The following INSL6 variants were observed in gnomAD, a reference collection of about 807,000 sequenced individuals.
INSL6 encodes the protein insulin-like peptide INSL6.
In INSL6, 16 loss-of-function variants were observed where a neutral mutation model predicts 9.4. The observed-to-expected ratio is 1.70, with a 90% CI of 1.15 to 2.59. The LOEUF is 2.59. Ranked by LOEUF, INSL6 falls within the 30% of genes most tolerant of loss-of-function variation. INSL6 has a pLI of 0.00. For synonymous variants in INSL6, 154 were observed against 96.9 expected (o/e 1.59, Z -3.46); for missense variants, 391 against 257.3 (o/e 1.52, Z -3.56).
At chr9:5,169,655 CA>C (rs535233346) in intron 1 of INSL6, among the ~76,000 whole-genome samples, 1,898 of 152,174 alleles carry the variant, frequency 0.012, 35 homozygotes, top group Non-Finnish European at 0.018. Context: ...CACATAGACT[CA>C]AAATAAAGTA....
chr9:5,022,168 G>A, the INSL6 span: 6 of 1,614,046 alleles, frequency 3.7e-6, no homozygotes, highest in Non-Finnish European at 5.1e-6. Context: ...TCCATCTGGG[G>A]AGTATGTTGC....
the INSL6 span, among the ~76,000 whole-genome samples, chr9:5,001,751 C>G: frequency 6.6e-6 from 1 of 151,776 alleles, no homozygotes; most frequent in Non-Finnish European, 1.5e-5. Context: ...AGAATTGGTA[C>G]TATTTTTTCC....
At chr9:5,037,456 C>G in the INSL6 span, among the ~76,000 whole-genome samples, 1 of 152,132 alleles carries the variant, frequency 6.6e-6, no homozygotes, top group Non-Finnish European at 1.5e-5. Flanking sequence ...TGGAACCAAG[C>G]TAGATGTCCA....
the INSL6 span, among the ~76,000 whole-genome samples, chr9:4,999,027 G>T: frequency 6.6e-6 from 1 of 151,404 alleles, no homozygotes; most frequent in Admixed American, 6.6e-5. Context: ...GGGTTTCACC[G>T]TGTTAGCCAG....
chr9:5,095,989 C>G, the INSL6 span, among the ~76,000 whole-genome samples: 1 of 152,164 alleles, frequency 6.6e-6, no homozygotes, highest in Non-Finnish European at 1.5e-5. Context: ...AGCTTTACCT[C>G]CATTAACAGG....
chr9:5,156,049 A>T (rs911188899), intron 2 of INSL6, among the ~76,000 whole-genome samples: 1 of 152,198 alleles, frequency 6.6e-6, no homozygotes, highest in Non-Finnish European at 1.5e-5. Flanking sequence ...GATCCTATAG[A>T]CATTTAAAGG....
At chr9:5,064,249 G>A in the INSL6 span, among the ~76,000 whole-genome samples, 1 of 152,086 alleles carries the variant, frequency 6.6e-6, no homozygotes, top group African/African-American at 2.4e-5. Context: ...TGGTATGTAG[G>A]GCTGATGCCG....
At chr9:5,038,332 C>T in the INSL6 span, among the ~76,000 whole-genome samples, 41 of 152,226 alleles carry the variant, frequency 2.7e-4, no homozygotes, top group South Asian at 8.5e-3. Flanking sequence ...CAAGTGGCTT[C>T]ACTTGTGAAT....
chr9:5,042,426 C>A, the INSL6 span, among the ~76,000 whole-genome samples: 67 of 152,216 alleles, frequency 4.4e-4, no homozygotes, highest in African/African-American at 1.5e-3. Flanking sequence ...CGTGAGCCAC[C>A]GCGCCCGGCC....
chr9:5,108,198 T>G, the INSL6 span: 13 of 152,240 alleles, frequency 8.5e-5, no homozygotes, highest in Admixed American at 8.5e-4. Context: ...ACAAAAAAGC[T>G]CTATATTTCT....
At chr9:5,139,328 A>G (rs1427673838) in intron 2 of INSL6, among the ~76,000 whole-genome samples, 1 of 152,150 alleles carries the variant, frequency 6.6e-6, no homozygotes, top group Non-Finnish European at 1.5e-5. Context: ...CATCCTATCC[A>G]TCAAACAAAT....
chr9:5,128,213 A>G, intron 3 of INSL6: 1 of 231,586 alleles, frequency 4.3e-6, no homozygotes, highest in Non-Finnish European at 8.6e-6. Flanking sequence ...CTTTTTTGAA[A>G]GTTGTACTGA....
the INSL6 span, among the ~76,000 whole-genome samples, chr9:5,078,652 G>A: frequency 2.0e-5 from 3 of 152,042 alleles, no homozygotes; most frequent in African/African-American, 4.8e-5. Context: ...ACTGTGAGGT[G>A]ATTTTTTAAA....
the INSL6 span, chr9:5,054,744 T>C: frequency 6.2e-7 from 1 of 1,613,360 alleles, no homozygotes; most frequent in Non-Finnish European, 8.5e-7. The surrounding 1 kb of genome is among the most constrained non-coding windows in gnomAD (Gnocchi z 4.9). Context: ...GTCTGCCTTC[T>C]ACACAGAGAA....
the INSL6 span, among the ~76,000 whole-genome samples, chr9:5,048,150 C>CTT: frequency 1.3e-5 from 2 of 150,656 alleles, no homozygotes; most frequent in African/African-American, 2.4e-5. Context: ...TCTTTTCTTT[C>CTT]TTTTTTTTTG....
At chr9:5,041,257 C>G in the INSL6 span, 1 of 1,416,062 alleles carries the variant, frequency 7.1e-7, no homozygotes, top group Non-Finnish European at 9.8e-7. Context: ...CCATCCACAT[C>G]ATCGACCTCG....
chr9:5,047,475 G>A, the INSL6 span, among the ~76,000 whole-genome samples: 1 of 152,138 alleles, frequency 6.6e-6, no homozygotes, highest in South Asian at 2.1e-4. Context: ...GCTGACATGT[G>A]AACAACTTTT....
chr9:5,138,780 AAT>A (rs1053122105), intron 2 of INSL6, among the ~76,000 whole-genome samples: 2 of 152,084 alleles, frequency 1.3e-5, no homozygotes, highest in African/African-American at 4.8e-5. Context: ...TATCTAAAAA[AAT>A]AGTTACCTAA....
the INSL6 span, among the ~76,000 whole-genome samples, chr9:4,997,073 C>T: frequency 4.6e-5 from 7 of 151,740 alleles, no homozygotes; most frequent in East Asian, 5.8e-4. Context: ...GCACTGCAGG[C>T]GAGTGCCACT....
Sources: allele counts gnomAD v4.1 joint callset (sites outside exome capture counted in the v4.1 genomes callset), GRCh38; gene constraint gnomAD v4.1.1; non-coding constraint Gnocchi (gnomAD v3.1); transcripts MANE v1.5; gene names NCBI Gene and HGNC (gene_info 2026-07-23, HGNC 2026-07-21).